WWOX: variants seen among roughly 807,000 people sequenced by gnomAD.
WWOX encodes WW domain-containing oxidoreductase.
In WWOX, 69 loss-of-function variants were observed where a neutral mutation model predicts 46.2. That is an observed-to-expected ratio of 1.49 (90% CI 1.23 to 1.82). The LOEUF is 1.82. WWOX is among the 40% of genes most tolerant of loss of function. The pLI, the probability that WWOX is intolerant of heterozygous loss-of-function variation, is 0.00. For missense variants in WWOX, 919 were observed against 542.6 expected, an observed-to-expected ratio of 1.69 and a Z score of -6.89; for synonymous variants, 359 against 202.6, an observed-to-expected ratio of 1.77 and a Z score of -6.56.
At chr16:78,450,006 T>C (rs1284789318) in intron 8 of WWOX, among the ~76,000 whole-genome samples, 3 of 151,728 alleles carry the variant, frequency 2.0e-5, no homozygotes, top group African/African-American at 7.3e-5. Flanking sequence ...TGTTTTGTTA[T>C]GATTTTTTTT....
At chr16:78,321,338 G>A (rs1200219269) in intron 5 of WWOX, among the ~76,000 whole-genome samples, 4 of 51,462 alleles carry the variant, frequency 7.8e-5, no homozygotes, top group Admixed American at 2.3e-4. Context: ...GTATATATGC[G>A]TATATATATA....
intron 5 of WWOX, among the ~76,000 whole-genome samples, chr16:78,356,222 G>C (rs376115223): frequency 2.0e-5 from 3 of 151,846 alleles, no homozygotes; most frequent in African/African-American, 7.3e-5. Flanking sequence ...ATGTATATTT[G>C]TGTGAATCAT....
At chr16:79,001,832 A>G (rs2047099024) in intron 8 of WWOX, among the ~76,000 whole-genome samples, 2 of 152,152 alleles carry the variant, frequency 1.3e-5, no homozygotes, top group Admixed American at 1.3e-4. Context: ...GTGCTTATGT[A>G]ATAACTGCAG....
At chr16:78,100,102 G>T in intron 1 of WWOX, 1 of 1,377,194 alleles carries the variant, frequency 7.3e-7, no homozygotes. Context: ...GTGGCTTCCC[G>T]GCGCGCCCTC....
At chr16:78,881,839 C>T (rs1392360180) in intron 8 of WWOX, among the ~76,000 whole-genome samples, 2 of 152,124 alleles carry the variant, frequency 1.3e-5, no homozygotes, top group African/African-American at 4.8e-5. Context: ...GAAGAACTGA[C>T]AGTCCAGGCA....
At chr16:78,145,099 A>T (rs143693734) in intron 4 of WWOX, among the ~76,000 whole-genome samples, 1 of 152,148 alleles carries the variant, frequency 6.6e-6, no homozygotes, top group East Asian at 1.9e-4. Flanking sequence ...TGTAGGCCAG[A>T]AGGTTGAAGT....
At chr16:79,190,270 C>T (rs2051108077) in intron 8 of WWOX, among the ~76,000 whole-genome samples, 1 of 152,144 alleles carries the variant, frequency 6.6e-6, no homozygotes, top group Admixed American at 6.5e-5. Context: ...AGTGATCTGC[C>T]TGCCTCAGCC....
At chr16:78,639,153 C>G (rs928661895) in intron 8 of WWOX, among the ~76,000 whole-genome samples, 2 of 152,150 alleles carry the variant, frequency 1.3e-5, no homozygotes, top group Non-Finnish European at 2.9e-5. Flanking sequence ...AAACTTGAAA[C>G]CAAAAGTCTG....
chr16:78,197,883 C>T (rs1205620289), intron 5 of WWOX, among the ~76,000 whole-genome samples: 1 of 152,132 alleles, frequency 6.6e-6, no homozygotes, highest in African/African-American at 2.4e-5. Flanking sequence ...GTTTTAACTG[C>T]TCATTGGAAA....
intron 8 of WWOX, among the ~76,000 whole-genome samples, chr16:78,652,032 G>A (rs2046976418): frequency 6.6e-6 from 1 of 152,026 alleles, no homozygotes; most frequent in Non-Finnish European, 1.5e-5. Flanking sequence ...GCATTCCTAG[G>A]ACTGTTTTAA....
intron 8 of WWOX, among the ~76,000 whole-genome samples, chr16:78,902,680 C>G (rs1315643503): frequency 6.6e-6 from 1 of 152,234 alleles, no homozygotes; most frequent in Non-Finnish European, 1.5e-5. Flanking sequence ...GAGGGCAAGA[C>G]CACAGCAGCT....
intron 8 of WWOX, among the ~76,000 whole-genome samples, chr16:79,164,161 GA>G (rs1479954427): frequency 6.6e-6 from 1 of 152,192 alleles, no homozygotes; most frequent in Non-Finnish European, 1.5e-5. Context: ...TTATTTTATA[GA>G]AAAATATAAA....
At chr16:78,516,909 A>G (rs1303803104) in intron 8 of WWOX, among the ~76,000 whole-genome samples, 1 of 152,190 alleles carries the variant, frequency 6.6e-6, no homozygotes, top group Non-Finnish European at 1.5e-5. Context: ...GATTAACATT[A>G]TTATTATTGG....
At chr16:78,344,470 C>T (rs915488760) in intron 5 of WWOX, among the ~76,000 whole-genome samples, 1 of 121,300 alleles carries the variant, frequency 8.2e-6, no homozygotes, top group South Asian at 2.5e-4. Flanking sequence ...TATGTTTCTG[C>T]TTAGATGGCT....
chr16:79,023,792 C>CAAA (rs71674970), intron 8 of WWOX, among the ~76,000 whole-genome samples: 74 of 141,226 alleles, frequency 5.2e-4, no homozygotes, highest in East Asian at 8.3e-4. Flanking sequence ...ACTAAAAATA[C>CAAA]AAAAAAAAAA....
At chr16:78,601,166 C>T (rs145349829) in intron 8 of WWOX, among the ~76,000 whole-genome samples, 1 of 152,202 alleles carries the variant, frequency 6.6e-6, no homozygotes, top group African/African-American at 2.4e-5. Context: ...GTTGGCCTCT[C>T]TGCCACTCAT....
At chr16:79,088,218 T>G (rs1481857660) in intron 8 of WWOX, among the ~76,000 whole-genome samples, 2 of 152,118 alleles carry the variant, frequency 1.3e-5, no homozygotes, top group Admixed American at 6.5e-5. Context: ...GGGGTGGCCT[T>G]CAAGCAGCCT....
chr16:78,466,573 T>A (rs895546246), intron 8 of WWOX, among the ~76,000 whole-genome samples: 3 of 151,772 alleles, frequency 2.0e-5, no homozygotes, highest in Non-Finnish European at 4.4e-5. Context: ...CTCACACCTG[T>A]AATCCCAGCA....
At chr16:78,337,723 AG>A (rs33998919) in intron 5 of WWOX, among the ~76,000 whole-genome samples, 10,097 of 143,886 alleles carry the variant, frequency 0.07, 1,227 homozygotes, top group East Asian at 0.21. Context: ...TTTAGGCTAG[AG>A]GATCTCAGTG....
Sources: gnomAD v4.1 joint callset for allele counts (sites outside exome capture counted in the v4.1 genomes callset) on GRCh38, gnomAD v4.1.1 for gene constraint, MANE v1.5 for transcripts, NCBI Gene and HGNC (gene_info 2026-07-23, HGNC 2026-07-21) for gene names.